The following LRP2 variants were observed in gnomAD, a reference collection of about 807,000 sequenced individuals.
LRP2 encodes low-density lipoprotein receptor-related protein 2.
LRP2 carries 172 observed loss-of-function variants against 531.0 expected under a neutral mutation model. The ratio of observed to expected loss-of-function variants is 0.32; its 90% CI spans 0.29 to 0.37. LRP2 has a LOEUF of 0.37. Ranked by LOEUF, LRP2 falls within the 10% of genes least tolerant of loss-of-function variation. The pLI is 1.00. For missense variants in LRP2, 5,167 were observed against 5,868.3 expected (o/e 0.88, Z 3.90); for synonymous variants, 1,992 against 2,027.6 (o/e 0.98, Z 0.47).
chr2:169,251,055 C>T (rs1429046118), intron 19 of LRP2, among the ~76,000 whole-genome samples: 3 of 19,240 alleles, frequency 1.6e-4, no homozygotes, highest in African/African-American at 3.9e-4. Context: ...ACTTTAACAC[C>T]CCACTGTCAA....
Position 169,239,646 on chromosome 2 carries a change from T to G in LRP2, c.4175A>C (p.Asp1392Ala), listed in dbSNP as rs1186233621. ...ANDSKTCEDI[D>A]ECDILGSCSQ... ...ACAAGAGCCTAGAATATCACATTCA[T>G]CTATGTCTTCACAGGTCTTAGAATC... Residue 1392 changes from aspartate to alanine, a missense_variant, in exon 26 of 79, where the codon GAT becomes GCT. Physicochemically the swap from Asp to Ala is moderately radical, Grantham distance 126. This residue lies in a region of LRP2 where 2,811 missense variants were observed against 3,058.0 expected (regional missense o/e 0.92). Coordinates refer to ENST00000649046, the MANE Select transcript of LRP2 (RefSeq NM_004525.3). 6.2e-6 allele frequency: 10 copies of G among 1,614,114 alleles called. No homozygotes were observed. Among genetic ancestry groups the G allele is most frequent in the Non-Finnish European group, 7.6e-6 (9 of 1,179,944 alleles).
intron 3 of LRP2, among the ~76,000 whole-genome samples, chr2:169,313,738 G>A (rs903224402): frequency 2.0e-5 from 3 of 152,060 alleles, no homozygotes; most frequent in Admixed American, 6.6e-5. Flanking sequence ...TCAAAGCTCA[G>A]TTGGAAATGC....
At chr2:169,259,832 A>G (rs758687716) in intron 16 of LRP2, among the ~76,000 whole-genome samples, 5 of 152,090 alleles carry the variant, frequency 3.3e-5, no homozygotes, top group Non-Finnish European at 5.9e-5. Context: ...GAAAATCTGA[A>G]TCAGAATAAA....
chr2:169,157,600 C>A, intron 63 of LRP2, 98 bp from the exon 64 acceptor site: 3 of 1,357,640 alleles, frequency 2.2e-6, no homozygotes, highest in Non-Finnish European at 3.1e-6. Context: ...AACTATAGGA[C>A]ATCTTGAGAT....
chr2:169,266,783 A>C (rs570480109), intron 16 of LRP2, among the ~76,000 whole-genome samples: 24 of 152,154 alleles, frequency 1.6e-4, no homozygotes, highest in African/African-American at 5.8e-4. Context: ...TGAGTATGAA[A>C]AACAGTGTCT....
chr2:169,328,035 C>T (rs1487397928), intron 1 of LRP2, among the ~76,000 whole-genome samples: 1 of 141,200 alleles, frequency 7.1e-6, no homozygotes, highest in African/African-American at 2.7e-5. Context: ...AGCCCCCTGC[C>T]CGGCCAGCCG....
intron 29 of LRP2, among the ~76,000 whole-genome samples, chr2:169,234,566 A>G (rs1689532453): frequency 6.6e-6 from 1 of 152,190 alleles, no homozygotes; most frequent in African/African-American, 2.4e-5. Flanking sequence ...TGCTATTGTA[A>G]ATAGTGCTGC....
intron 26 of LRP2, among the ~76,000 whole-genome samples, 157 bp from the exon 27 acceptor site, chr2:169,238,459 A>T (rs1256589678): frequency 1.3e-5 from 2 of 151,136 alleles, no homozygotes; most frequent in Non-Finnish European, 2.9e-5. Context: ...CATATGAATG[A>T]TTTTAATCAC....
Position 169,279,471 on chromosome 2 carries a change from T to C in LRP2, c.1466A>G (p.Asn489Ser). The change falls in exon 12 of 79, where the codon AAC (asparagine) becomes AGC (serine). Residue 489 changes from asparagine (N) to serine (S), a missense_variant. Asn to Ser is a conservative substitution (Grantham distance 46). This residue lies in a region of LRP2 where 2,811 missense variants were observed against 3,058.0 expected (regional missense o/e 0.92). Transcript: ENST00000649046. ...NKIYLVETKV[N>S]RIDMVNLDGS... ...ATCCAAATTTACCATATCTATGCGG[T>C]TGACCTTGGTTTCCACTAGATAGAT... 1.2e-6 allele frequency: 2 copies of C among 1,614,030 alleles called. No homozygotes were observed. Among genetic ancestry groups the C allele is most frequent in the Non-Finnish European group, 1.7e-6 (2 of 1,179,918 alleles).
intron 67 of LRP2, 112 bp downstream of exon 67, chr2:169,152,687 G>T: frequency 2.5e-6 from 3 of 1,221,952 alleles, no homozygotes; most frequent in Non-Finnish European, 3.6e-6. Context: ...CTGCACCCAT[G>T]GCTGAGTGTA....
chr2:169,311,068 T>C (rs1684583449), intron 3 of LRP2, among the ~76,000 whole-genome samples: 1 of 152,208 alleles, frequency 6.6e-6, no homozygotes, highest in Non-Finnish European at 1.5e-5. Context: ...CATTTTTTAT[T>C]GTGTCTATTT....
At chr2:169,341,972 A>G (rs1231013285) in intron 1 of LRP2, among the ~76,000 whole-genome samples, 12 of 152,180 alleles carry the variant, frequency 7.9e-5, no homozygotes, top group Admixed American at 7.9e-4. Context: ...TCTTTGTAGT[A>G]TGGAACTATC....
intron 19 of LRP2, among the ~76,000 whole-genome samples, chr2:169,249,031 A>G (rs1488888941): frequency 2.8e-4 from 1 of 3,542 alleles, no homozygotes; most frequent in Non-Finnish European, 6.9e-4. Context: ...CTGAGATCAA[A>G]CTGCAAGGCG....
chr2:169,268,953 C>T lies in LRP2; in HGVS notation c.2320+1951G>A, dbSNP rs561824962. The stretch of plus-strand genomic sequence containing the variant: ...CAAAAATCACAAGCATTCCTATACA[C>T]CAATAACAGACAAACAGAGAGCCAA... On this transcript the variant is annotated intron_variant, in intron 16 of 78. Transcript: ENST00000649046. Among the ~76,000 whole-genome samples, 54 of 152,194 alleles carry T rather than the reference C, an allele frequency of 3.5e-4. No homozygotes were observed. The South Asian group carries it at 9.1e-3, about 26-fold the overall frequency.
chr2:169,292,490 C>T lies in LRP2; in HGVS notation c.653-121G>A, dbSNP rs960905986. 2.7e-5 allele frequency: 19 copies of T among 715,488 alleles called. No individual in the cohort carries two copies. In the East Asian group the frequency reaches 5.0e-4, roughly 19 times the overall value. The allele number at this position is 715,488 out of a possible 1,614,324, so 44.3% of individuals were successfully genotyped here. A position where few individuals can be genotyped will look rare whatever the true frequency, so the allele number is the denominator to read the frequency against. On this transcript the variant is annotated intron_variant, in intron 6 of 78. Transcript: ENST00000649046. ...TGAAATTTCTATATCAATTTAATCC[C>T]TTAGACATCTTGACAAAAATTTTTA...
intron 53 of LRP2, among the ~76,000 whole-genome samples, chr2:169,177,346 G>T (rs778870209): frequency 1.3e-5 from 2 of 151,952 alleles, no homozygotes; most frequent in African/African-American, 2.4e-5. Context: ...ACACTAAAAC[G>T]CACTGCTCTT....
intron 70 of LRP2, 22 bp from the exon 71 acceptor site, chr2:169,142,815 C>T (rs757038358): frequency 7.4e-6 from 12 of 1,613,168 alleles, no homozygotes; most frequent in Non-Finnish European, 1.0e-5. Context: ...GTGAGAACAG[C>T]AGTTAGGTCC....
chr2:169,193,440 AAAAG>A (rs1266256091), intron 47 of LRP2, among the ~76,000 whole-genome samples: 8 of 150,726 alleles, frequency 5.3e-5, no homozygotes, highest in African/African-American at 1.2e-4. Flanking sequence ...AAAAAAAAAA[AAAAG>A]AAAGAAAGAA....
chr2:169,349,836 G>A (rs184177824), intron 1 of LRP2, among the ~76,000 whole-genome samples: 7 of 152,212 alleles, frequency 4.6e-5, no homozygotes, highest in Admixed American at 1.3e-4. Flanking sequence ...CCCTTCACAC[G>A]CATTGATCTT....
Sources: allele counts gnomAD v4.1 joint callset (sites outside exome capture counted in the v4.1 genomes callset), GRCh38; gene constraint gnomAD v4.1.1; regional missense constraint gnomAD v4.1.1; transcripts MANE v1.5; gene names NCBI Gene and HGNC (gene_info 2026-07-23, HGNC 2026-07-21).